SPAG16: variants seen among roughly 807,000 people sequenced by gnomAD.
SPAG16 encodes sperm-associated antigen 16 protein.
Under a neutral mutation model 80.4 loss-of-function variants are expected in SPAG16, and 86 were observed. The observed-to-expected ratio is 1.07, with a 90% CI of 0.90 to 1.28. The LOEUF (loss-of-function observed/expected upper bound fraction) is 1.28, where lower values mean the gene tolerates loss of function less well. SPAG16 is among the 50% of genes most tolerant of loss of function. The pLI, the probability that SPAG16 is intolerant of heterozygous loss-of-function variation, is 0.00. For missense variants in SPAG16, 870 were observed against 765.3 expected (o/e 1.14, Z -1.61); for synonymous variants, 294 against 265.9 (o/e 1.11, Z -1.03).
intron 15 of SPAG16, among the ~76,000 whole-genome samples, chr2:214,237,548 C>T (rs1295926670): frequency 1.3e-5 from 2 of 151,952 alleles, no homozygotes; most frequent in Non-Finnish European, 2.9e-5. Context: ...ATAGTCCTCC[C>T]AGAAAAAAGG....
At chr2:213,377,866 G>T (rs2066956095) in intron 9 of SPAG16, among the ~76,000 whole-genome samples, 1 of 146,614 alleles carries the variant, frequency 6.8e-6, no homozygotes, top group Non-Finnish European at 1.5e-5. Flanking sequence ...CAGAGGGATA[G>T]AACTAATAGG....
chr2:213,317,312 C>G lies in SPAG16; in HGVS notation c.492C>G (p.Asn164Lys). ...YTQIMLLENE[N>K]KNLKKDLKHY... ...AGATTATGCTTTTGGAAAATGAGAA[C>G]AAAAATTTAAAGAAAGATTTGAAGC... is the stretch of plus-strand genomic sequence containing the variant. The change falls in exon 5 of 16, where the codon AAC becomes AAG. Residue 164 changes from asparagine (N) to lysine (K), a missense_variant. By Grantham distance (94) the Asn-to-Lys change is moderately conservative. Transcript: ENST00000331683. The G allele has an allele frequency of 6.2e-7, 1 of 1,611,000 alleles. No homozygotes were observed. The highest frequency in any genetic ancestry group is 2.2e-5 in the East Asian group (1 of 44,706).
chr2:213,703,924 T>C (rs1012163292), intron 10 of SPAG16, among the ~76,000 whole-genome samples: 1 of 152,214 alleles, frequency 6.6e-6, no homozygotes, highest in African/African-American at 2.4e-5. Flanking sequence ...TTCCAAGATA[T>C]TTTGTACTCC....
At chr2:213,965,413 G>A (rs2044660750) in intron 12 of SPAG16, among the ~76,000 whole-genome samples, 1 of 152,108 alleles carries the variant, frequency 6.6e-6, no homozygotes, top group Admixed American at 6.6e-5. Context: ...ATCACACTCA[G>A]CTATTAGACT....
chr2:213,497,811 T>C (rs1262088789), intron 10 of SPAG16, among the ~76,000 whole-genome samples: 2 of 152,260 alleles, frequency 1.3e-5, no homozygotes, highest in Admixed American at 1.3e-4. Context: ...ATTCCATTTT[T>C]ACATAAAACT....
chr2:213,944,710 G>T (rs891397152), intron 12 of SPAG16, among the ~76,000 whole-genome samples: 1 of 152,064 alleles, frequency 6.6e-6, no homozygotes, highest in African/African-American at 2.4e-5. Context: ...CTATATGTTT[G>T]TGTCCCTCCG....
At chr2:213,562,183 G>A (rs989793065) in intron 10 of SPAG16, among the ~76,000 whole-genome samples, 1 of 152,160 alleles carries the variant, frequency 6.6e-6, no homozygotes, top group Non-Finnish European at 1.5e-5. Context: ...ATTCATAGTT[G>A]CTAATATGAA....
chr2:213,516,003 G>A (rs1274484794), intron 10 of SPAG16, among the ~76,000 whole-genome samples: 6 of 152,122 alleles, frequency 3.9e-5, no homozygotes, highest in African/African-American at 1.2e-4. Context: ...ATAGGGAGAG[G>A]AGGGAACCAG....
At chr2:214,250,751 T>TAGAGAG (rs751433547) in intron 15 of SPAG16, among the ~76,000 whole-genome samples, 2,076 of 98,550 alleles carry the variant, frequency 0.021, 22 homozygotes, top group South Asian at 0.038. Flanking sequence ...TATATATATA[T>TAGAGAG]ATATATAGAG....
At chr2:213,340,662 A>G (rs1447386640) in intron 6 of SPAG16, among the ~76,000 whole-genome samples, 3 of 152,272 alleles carry the variant, frequency 2.0e-5, no homozygotes, top group East Asian at 3.9e-4. Context: ...CCAAGACATG[A>G]AAAAACATGT....
intron 10 of SPAG16, among the ~76,000 whole-genome samples, chr2:213,592,323 G>T (rs909128818): frequency 1.3e-5 from 2 of 151,952 alleles, no homozygotes; most frequent in Non-Finnish European, 2.9e-5. Context: ...AGATTGAATC[G>T]CTCTAGTGTT....
At chr2:214,318,460 C>T (rs966990930) in intron 15 of SPAG16, among the ~76,000 whole-genome samples, 2 of 142,366 alleles carry the variant, frequency 1.4e-5, no homozygotes, top group Non-Finnish European at 3.0e-5. Context: ...CAGCTCGCTG[C>T]AACCTCCGCC....
intron 10 of SPAG16, among the ~76,000 whole-genome samples, chr2:213,677,592 A>G (rs956729548): frequency 6.6e-6 from 1 of 152,130 alleles, no homozygotes; most frequent in African/African-American, 2.4e-5. Flanking sequence ...TATGCACCCA[A>G]TACAGGAGCA....
At chr2:214,199,695 T>G (rs1381404735) in intron 15 of SPAG16, among the ~76,000 whole-genome samples, 2 of 152,192 alleles carry the variant, frequency 1.3e-5, no homozygotes, top group African/African-American at 4.8e-5. Context: ...TTAGGCAGTA[T>G]GGTCATTTTC....
intron 13 of SPAG16, among the ~76,000 whole-genome samples, chr2:214,054,472 A>G (rs567804715): frequency 1.3e-5 from 2 of 152,354 alleles, no homozygotes; most frequent in South Asian, 4.1e-4. Context: ...TAAAGAGTAT[A>G]AAAGAGAATA....
intron 14 of SPAG16, among the ~76,000 whole-genome samples, chr2:214,125,149 C>T (rs946111645): frequency 5.9e-5 from 9 of 151,368 alleles, no homozygotes; most frequent in Non-Finnish European, 1.2e-4. Context: ...GCATTTAGAT[C>T]CCTTATTCCA....
At chr2:213,758,186 CT>C (rs2068448759) in intron 10 of SPAG16, 1 of 152,778 alleles carries the variant, frequency 6.5e-6, no homozygotes, top group Admixed American at 6.6e-5. Context: ...CAGAGATAGC[CT>C]ACAACAGAAT....
At chr2:213,851,103 C>T (rs1018593120) in intron 10 of SPAG16, among the ~76,000 whole-genome samples, 66 of 152,130 alleles carry the variant, frequency 4.3e-4, no homozygotes, top group African/African-American at 1.5e-3. Context: ...TAAAATGTTG[C>T]TGTCTAATTT....
chr2:213,417,529 TTAAAAACTGTTATAGAAC>T (rs2069328892), intron 9 of SPAG16, among the ~76,000 whole-genome samples: 1 of 152,270 alleles, frequency 6.6e-6, no homozygotes, highest in Non-Finnish European at 1.5e-5. Context: ...ACTTGCTTTG[TTAAAAACTGTTATAGAAC>T]TATTCCTGCT....
Sources: allele counts gnomAD v4.1 joint callset (sites outside exome capture counted in the v4.1 genomes callset), GRCh38; gene constraint gnomAD v4.1.1; transcripts MANE v1.5; gene names NCBI Gene and HGNC (gene_info 2026-07-23, HGNC 2026-07-21).